PLOD3: variants seen among roughly 807,000 people sequenced by gnomAD.
PLOD3 encodes the protein multifunctional procollagen lysine hydroxylase and glycosyltransferase LH3.
Under a neutral mutation model 96.9 loss-of-function variants are expected in PLOD3, and 73 were observed. The ratio of observed to expected loss-of-function variants is 0.75; its 90% CI spans 0.62 to 0.92. The LOEUF (loss-of-function observed/expected upper bound fraction) is 0.92. Among genes scored for constraint, PLOD3 ranks in the 40% least tolerant of loss-of-function variants. The pLI is 0.00. For synonymous variants in PLOD3, 454 were observed against 413.7 expected (o/e 1.10, Z -1.18); for missense variants, 1,004 against 1,004.3 (o/e 1.00, Z 0.00).
intron 16 of PLOD3, among the ~76,000 whole-genome samples, chr7:101,208,128 T>G (rs1798117054): frequency 6.6e-6 from 1 of 152,168 alleles, no homozygotes; most frequent in Non-Finnish European, 1.5e-5. Flanking sequence ...GACAGAGTCT[T>G]GCTCTGTCAC....
In PLOD3 at chr7:101,216,270, C is replaced by A. The variant is rs769989629; in HGVS notation, c.395G>T (p.Ser132Ile). ...TGCAGAGAAGAGCAGGCGGCTGCCACTCTGGACGAACTTCTTCAGCAGCTC... is the reference window on the plus strand; with the variant it reads ...TGCAGAGAAGAGCAGGCGGCTGCCAATCTGGACGAACTTCTTCAGCAGCTC... ...PTELLKKFVQ[S>I]GSRLLFSAES... The change falls in exon 4 of 19, where the codon AGT (serine) becomes ATT (isoleucine). Residue 132 changes from serine (S) to isoleucine (I), a missense_variant. Around this residue, in one of 5 missense-constraint regions of PLOD3, gnomAD observed 690 missense variants for 650.2 expected, o/e 1.06. Coordinates refer to ENST00000223127, the MANE Select transcript of PLOD3 (RefSeq NM_001084.5). 6.2e-7 allele frequency: 1 copy of A among 1,613,664 alleles called. No individual in the cohort carries two copies. The highest frequency in any genetic ancestry group is 2.2e-5 in the East Asian group (1 of 44,880).
chr7:101,210,152 C>T lies in PLOD3; in HGVS notation c.1624G>A (p.Glu542Lys). ...QIFDNPVDWK[E>K]QYIHENYSRA... The stretch of plus-strand genomic sequence containing the variant: ...CTGTAGTTCTCGTGGATGTACTGCT[C>T]CTTCCAGTCCTGTGAGAGGGTGGGG... The change falls in exon 15 of 19, where the codon GAG (glutamate) becomes AAG (lysine). Residue 542 changes from glutamate to lysine, a missense_variant. By Grantham distance (56) the Glu-to-Lys change is moderately conservative. Around this residue, in one of 5 missense-constraint regions of PLOD3, gnomAD observed 65 missense variants for 68.8 expected, o/e 0.94. Coordinates refer to ENST00000223127, the MANE Select transcript of PLOD3 (RefSeq NM_001084.5). 1 of 1,607,352 alleles carries T rather than the reference C, an allele frequency of 6.2e-7. No homozygotes were observed. Among genetic ancestry groups the T allele is most frequent in the Non-Finnish European group, 8.5e-7 (1 of 1,176,884 alleles).
intron 1 of PLOD3, 29 bp from the exon 2 acceptor site, chr7:101,216,815 A>G (rs746524084): frequency 6.7e-7 from 1 of 1,491,932 alleles, no homozygotes; most frequent in East Asian, 2.3e-5. Flanking sequence ...GGCACTTGAG[A>G]TCCACCGCCC....
In PLOD3 at chr7:101,206,811, C is replaced by T. The variant is rs753158711; in HGVS notation, c.2029G>A (p.Val677Ile). ...TCCAGGCCCTTGTGGTTGAGGGCAA[C>T]GTTGAGGGTGAAGGTGGATGAGTCG... is the stretch of plus-strand genomic sequence containing the variant. ...HHDSSTFTLN[V>I]ALNHKGLDYE... Residue 677 changes from valine to isoleucine, a missense_variant, in exon 18 of 19, where the codon GTT becomes ATT. Physicochemically the swap from Val to Ile is conservative, Grantham distance 29. Around this residue, in one of 5 missense-constraint regions of PLOD3, gnomAD observed 222 missense variants for 220.4 expected, o/e 1.01. Coordinates refer to ENST00000223127, the MANE Select transcript of PLOD3 (RefSeq NM_001084.5). 22 of 1,581,676 alleles carry T rather than the reference C, an allele frequency of 1.4e-5. No individual in the cohort carries two copies. Among genetic ancestry groups the T allele is most frequent in the Admixed American group, 3.6e-5 (2 of 54,886 alleles).
chr7:101,207,545 G>A, intron 17 of PLOD3, 33 bp downstream of exon 17: 4 of 1,608,578 alleles, frequency 2.5e-6, no homozygotes, highest in Non-Finnish European at 2.6e-6. Flanking sequence ...GGGTGGGGAA[G>A]GTGGGGAGGC....
intron 12 of PLOD3, 37 bp from the exon 13 acceptor site, chr7:101,210,710 G>GC (rs764421828): frequency 8.1e-6 from 13 of 1,611,194 alleles, no homozygotes; most frequent in Non-Finnish European, 1.0e-5. Context: ...TGGGAGGACA[G>GC]CCCCCCAAAT....
At chr7:101,216,358 C>T in intron 3 of PLOD3, 32 bp from the exon 4 acceptor site, 1 of 1,613,566 alleles carries the variant, frequency 6.2e-7, no homozygotes, top group Non-Finnish European at 8.5e-7. Flanking sequence ...GGGCAGGGGT[C>T]CACTGGGAAC....
At position 101,215,934 on chromosome 7, in the gene PLOD3, G is replaced by C. The variant is rs768748003; in HGVS notation, c.589C>G (p.Arg197Gly). Residue 197 changes from arginine (R) to glycine (G), a missense_variant, in exon 5 of 19, where the codon CGG (arginine) becomes GGG (glycine). Around this residue, in one of 5 missense-constraint regions of PLOD3, gnomAD observed 690 missense variants for 650.2 expected, o/e 1.06. Transcript: ENST00000223127. ...DDDDDQLFYT[R>G]LYLDPGLREK... ...CTCAGTCCTGGGTCCAGGTAGAGCC[G>C]TGTGTAGAACAGCTGGTCGTCGTCA... 1 of 1,613,092 alleles carries C rather than the reference G, an allele frequency of 6.2e-7. No individual in the cohort carries two copies. The highest frequency in any genetic ancestry group is 1.3e-5 in the African/African-American group (1 of 74,918).
chr7:101,213,842 G>A (rs1359211567), intron 6 of PLOD3, among the ~76,000 whole-genome samples: 1 of 151,904 alleles, frequency 6.6e-6, no homozygotes. Context: ...AGGATTACAG[G>A]CGCGCACCAC....
In PLOD3 at chr7:101,210,630, G is replaced by A. The variant is rs75592752; in HGVS notation, c.1402C>T (p.Arg468Trp). ...AGCTCCATCCGCAGGGTATCACCCCGGATCACATAGGCCTGGGAGATGTAT... is the reference window on the plus strand; with the variant it reads ...AGCTCCATCCGCAGGGTATCACCCCAGATCACATAGGCCTGGGAGATGTAT... ...VPYISQAYVI[R>W]GDTLRMELPQ... The change falls in exon 13 of 19, where the codon CGG becomes TGG. Residue 468 changes from arginine to tryptophan, a missense_variant. Transcript: ENST00000223127. 34 of 1,613,970 alleles carry A rather than the reference G, an allele frequency of 2.1e-5. No homozygotes were observed. Among genetic ancestry groups the A allele is most frequent in the African/African-American group, 1.6e-4 (12 of 74,900 alleles).
rs767050732 is a variant in PLOD3, at chr7:101,212,308, T to C, written c.1072A>G (p.Lys358Glu). 6.2e-7 allele frequency: 1 copy of C among 1,613,954 alleles called. No homozygotes were observed. Among genetic ancestry groups the C allele is most frequent in the Non-Finnish European group, 8.5e-7 (1 of 1,179,992 alleles). The change falls in exon 10 of 19, where the codon AAG (lysine) becomes GAG (glutamate). Residue 358 changes from lysine (K) to glutamate (E), a missense_variant. By Grantham distance (56) the Lys-to-Glu change is moderately conservative. This residue lies in a region of PLOD3 where 690 missense variants were observed against 650.2 expected (regional missense o/e 1.06). Transcript: ENST00000223127. The part of the protein sequence containing the change: ...PQLQDHFSAV[K>E]LVGPEEALSP... ...AGAGCCTCCTCCGGCCCCACGAGCT[T>C]CACAGCTGAGAAGTGGTCCTGGAGC... is the stretch of plus-strand genomic sequence containing the variant.
chr7:101,212,737 C>T, intron 8 of PLOD3, 82 bp from the exon 9 acceptor site: 1 of 1,592,398 alleles, frequency 6.3e-7, no homozygotes, highest in Non-Finnish European at 8.6e-7. Flanking sequence ...CTGACAGGTG[C>T]AGGGACCCAG....
chr7:101,217,538 C>A lies in PLOD3; in HGVS notation c.-264G>T, dbSNP rs1414353989. 1.1e-5 allele frequency: 5 copies of A among 441,738 alleles called. No individual in the cohort carries two copies. The allele number at this position is 441,738 out of a possible 1,614,324, so 27.4% of individuals were successfully genotyped here. ...AGGGGCGGCGGCTCGGGCCGGCGGG[C>A]GGGAGACAGGGACTCTGGGCTGAGC... is the stretch of plus-strand genomic sequence containing the variant. On this transcript the variant is annotated 5_prime_UTR_variant, in exon 1 of 19. Transcript: ENST00000223127.
At chr7:101,216,134 C>T (rs767394615) in intron 4 of PLOD3, 29 bp downstream of exon 4, 7 of 1,613,832 alleles carry the variant, frequency 4.3e-6, no homozygotes, top group Non-Finnish European at 5.9e-6. Flanking sequence ...CGCTCTTGGC[C>T]CCTCTGCCTT....
rs35929039 is a variant in PLOD3, at chr7:101,210,417, G to A, written c.1528C>T (p.His510Tyr). Residue 510 changes from histidine (H) to tyrosine (Y), a missense_variant, in exon 14 of 19, where the codon CAT becomes TAT. Coordinates refer to ENST00000223127, the MANE Select transcript of PLOD3 (RefSeq NM_001084.5). Reference protein sequence around the residue: ...KGIFLHLSNQHEFGRLLATSR... With the variant: ...KGIFLHLSNQYEFGRLLATSR... ...GTGGCCAGGAGCCGGCCAAATTCAT[G>A]CTGATTGCTCAGATGGAGGAAGATG... is the stretch of plus-strand genomic sequence containing the variant. 1,390 of 1,614,166 alleles carry A rather than the reference G, an allele frequency of 8.6e-4. 13 individuals are homozygous for A. In the African/African-American group the frequency reaches 0.015, roughly 17 times the overall value.
chr7:101,206,501 C>G, intron 18 of PLOD3, 65 bp from the exon 19 acceptor site: 2 of 1,486,550 alleles, frequency 1.3e-6, no homozygotes, highest in East Asian at 2.5e-5. Flanking sequence ...CAGGCAGATA[C>G]ACGGGGCAGG....
At chr7:101,212,144 A>G in intron 10 of PLOD3, 109 bp downstream of exon 10, 1 of 1,434,754 alleles carries the variant, frequency 7.0e-7, no homozygotes, top group Non-Finnish European at 9.7e-7. Flanking sequence ...GGGGAGGCCC[A>G]GGAGGGGCTG....
chr7:101,217,361 G>A lies in PLOD3; in HGVS notation c.-87C>T, dbSNP rs1747849294. ...CAGCTCCGGAGGGGAGCTCTGGAAAGGGGGCGCTCGGGCTGCTGTGCGGCC... is the reference window on the plus strand; with the variant it reads ...CAGCTCCGGAGGGGAGCTCTGGAAAAGGGGCGCTCGGGCTGCTGTGCGGCC... On this transcript the variant is annotated 5_prime_UTR_variant, in exon 1 of 19. Coordinates refer to ENST00000223127, the MANE Select transcript of PLOD3 (RefSeq NM_001084.5). The A allele has an allele frequency of 7.8e-6, 10 of 1,283,854 alleles. No homozygotes were observed. Among genetic ancestry groups the A allele is most frequent in the Middle Eastern group, 5.2e-4 (2 of 3,882 alleles). 79.5% of individuals were successfully genotyped at this position (1,283,854 alleles called of 1,614,324 possible).
In PLOD3 at chr7:101,210,082, CGTGG is replaced by C; in HGVS notation, c.1683+7_1683+10del. On this transcript the variant is annotated splice_region_variant and intron_variant, in intron 15 of 18. Coordinates refer to ENST00000223127, the MANE Select transcript of PLOD3 (RefSeq NM_001084.5). ...GGGCAGGGGGTGGGTGGGGAGGCTG[CGTGG>C]GCTCACCTGCTCCACGATTCCTTCC... The C allele has an allele frequency of 6.4e-7, 1 of 1,570,458 alleles. No individual in the cohort carries two copies.
Sources: allele counts gnomAD v4.1 joint callset (sites outside exome capture counted in the v4.1 genomes callset), GRCh38; gene constraint gnomAD v4.1.1; regional missense constraint gnomAD v4.1.1; transcripts MANE v1.5; gene names NCBI Gene and HGNC (gene_info 2026-07-23, HGNC 2026-07-21).